The following VAV2 variants were observed in gnomAD, a reference collection of about 807,000 sequenced individuals.
The protein encoded by VAV2 is guanine nucleotide exchange factor VAV2.
Under a neutral mutation model 132.5 loss-of-function variants are expected in VAV2, and 67 were observed. The observed-to-expected ratio is 0.51, with a 90% CI of 0.42 to 0.62. The LOEUF (loss-of-function observed/expected upper bound fraction) is 0.62, where lower values mean the gene tolerates loss of function less well. Among genes scored for constraint, VAV2 ranks in the 20% least tolerant of loss-of-function variants. The pLI, the probability that VAV2 is intolerant of heterozygous loss-of-function variation, is 0.00. For synonymous variants in VAV2, 492 were observed against 443.5 expected (o/e 1.11, Z -1.37); for missense variants, 938 against 1,153.6 (o/e 0.81, Z 2.71).
intron 1 of VAV2, among the ~76,000 whole-genome samples, chr9:133,982,715 G>C (rs575209072): frequency 6.6e-6 from 1 of 152,328 alleles, no homozygotes; most frequent in South Asian, 2.1e-4. Context: ...AGGGCCCGCC[G>C]CCTGGTTTTG....
rs528309373 is a variant in VAV2 at position 133,850,428 on chromosome 9, T to C, written c.380+10946A>G. ...CCAGCTCCTGCTATGTCCCAGCACC[T>C]GGCCCCGGGCCCAGCAGAACAAGGC... is the stretch of plus-strand genomic sequence containing the variant. On this transcript the variant is annotated intron_variant, in intron 3 of 29. Transcript: ENST00000371850. Among the ~76,000 whole-genome samples, 20 of 152,276 alleles carry C rather than the reference T, an allele frequency of 1.3e-4. No individual in the cohort carries two copies. In the South Asian group the frequency reaches 4.1e-3, roughly 32 times the overall value.
intron 1 of VAV2, among the ~76,000 whole-genome samples, chr9:133,965,501 A>C (rs564136616): frequency 6.6e-6 from 1 of 151,660 alleles, no homozygotes; most frequent in South Asian, 2.1e-4. Flanking sequence ...TGTCAAAAAA[A>C]AAAAAAAAAG....
rs769779498 is a variant in VAV2 at position 133,861,454 on chromosome 9, G to A, written c.322-22C>T. ...TGACCTGGGGGAGACAAGAAGAGAC[G>A]CTCCTGTAATTTCACAAGAAACCAG... On this transcript the variant is annotated intron_variant, in intron 2 of 29. Transcript: ENST00000371850. The A allele has an allele frequency of 2.9e-5, 47 of 1,610,884 alleles. No homozygotes were observed. The Admixed American group carries it at 3.0e-4, about 10-fold the overall frequency.
At chr9:133,814,911 G>A (rs146567262) in intron 4 of VAV2, among the ~76,000 whole-genome samples, 3 of 152,246 alleles carry the variant, frequency 2.0e-5, no homozygotes, top group South Asian at 2.1e-4. Flanking sequence ...TCCTTCACTC[G>A]TGCCTCCCAC....
Position 133,791,832 on chromosome 9 carries a change from T to C in VAV2, c.1139A>G (p.Lys380Arg), listed in dbSNP as rs1234422985. Reference sequence around the variant, plus strand: ...TTCGCTGATTTTCCTCAAGGTCTCCTTGTCCCGTTTAACTTCATTGATGTA... The same window carrying C: ...TTCGCTGATTTTCCTCAAGGTCTCCCTGTCCCGTTTAACTTCATTGATGTA... ...AMYINEVKRDKETLRKISEFQ... is the reference protein window; with the variant it reads ...AMYINEVKRDRETLRKISEFQ... The change falls in exon 13 of 30, where the codon AAG becomes AGG. Residue 380 changes from lysine to arginine, a missense_variant. By Grantham distance (26) the Lys-to-Arg change is conservative. Coordinates refer to ENST00000371850, the MANE Select transcript of VAV2 (RefSeq NM_001134398.2). The C allele has an allele frequency of 2.5e-6, 4 of 1,614,230 alleles. No individual in the cohort carries two copies. The highest frequency in any genetic ancestry group is 1.6e-4 in the Middle Eastern group (1 of 6,062).
intron 1 of VAV2, among the ~76,000 whole-genome samples, chr9:133,950,489 G>C (rs544082969): frequency 1.3e-5 from 2 of 152,194 alleles, no homozygotes; most frequent in African/African-American, 4.8e-5. Flanking sequence ...CTCTGCTGCC[G>C]ACGGTGGGTT....
intron 2 of VAV2, among the ~76,000 whole-genome samples, chr9:133,920,207 A>G (rs555113472): frequency 6.6e-6 from 1 of 152,314 alleles, no homozygotes; most frequent in South Asian, 2.1e-4. Flanking sequence ...AGCCCCAGAA[A>G]GGCCTAGATG....
rs1361995612 is a variant in VAV2, at chr9:133,935,416, T to C, written c.321+3687A>G. ...CTCCTTGTGGTCAACAAGCTGGGAGTCCGGGAGGCCAGAGACCAGCAGCCT... is the reference window on the plus strand; with the variant it reads ...CTCCTTGTGGTCAACAAGCTGGGAGCCCGGGAGGCCAGAGACCAGCAGCCT... On this transcript the variant is annotated intron_variant, in intron 2 of 29. Coordinates refer to ENST00000371850, the MANE Select transcript of VAV2 (RefSeq NM_001134398.2). The surrounding 1 kb of genome is among the most constrained non-coding windows in gnomAD (Gnocchi z 5.2). 2.0e-5 allele frequency among the ~76,000 whole-genome samples: 3 copies of C among 151,574 alleles called. No homozygotes were observed.
At chr9:133,988,751 G>A (rs1053973137) in intron 1 of VAV2, among the ~76,000 whole-genome samples, 5 of 152,116 alleles carry the variant, frequency 3.3e-5, no homozygotes, top group East Asian at 1.9e-4. Context: ...GTGAAACCCC[G>A]TCTCTACTAA....
At chr9:133,964,835 G>C (rs767246198) in intron 1 of VAV2, among the ~76,000 whole-genome samples, 4 of 152,124 alleles carry the variant, frequency 2.6e-5, no homozygotes, top group Non-Finnish European at 1.5e-5. Flanking sequence ...CACAATAAAG[G>C]TCATACATGA....
intron 21 of VAV2, among the ~76,000 whole-genome samples, chr9:133,779,285 G>A (rs1833921806): frequency 6.6e-6 from 1 of 152,176 alleles, no homozygotes; most frequent in African/African-American, 2.4e-5. Flanking sequence ...AGGTGCTCTG[G>A]GCCTGAAATG....
At position 133,903,752 on chromosome 9, in the gene VAV2, G is replaced by A. The variant is rs138225975; in HGVS notation, c.321+35351C>T. 1.9e-3 allele frequency among the ~76,000 whole-genome samples: 292 copies of A among 152,256 alleles called. 4 individuals carry two copies. The highest frequency in any genetic ancestry group is 6.7e-3 in the African/African-American group (280 of 41,540). On this transcript the variant is annotated intron_variant, in intron 2 of 29. Transcript: ENST00000371850. ...CAGCGTCAGAAAAAATTCTCAACAG[G>A]GGGATGCTGGCGAGGGAAAAGGGGT...
At position 133,791,693 on chromosome 9, in the gene VAV2, T is replaced by C. The variant is rs988068900; in HGVS notation, c.1188+90A>G. ...CAGGCAGCCATGGTGTGGCTGCCCA[T>C]GGAGCTCACTCAATACTGGGGCTGT... is the stretch of plus-strand genomic sequence containing the variant. On this transcript the variant is annotated intron_variant, in intron 13 of 29. Transcript: ENST00000371850. 1.8e-4 allele frequency: 209 copies of C among 1,152,886 alleles called. No homozygotes were observed. In the African/African-American group the frequency reaches 2.6e-3, roughly 14 times the overall value. The allele number at this position is 1,152,886 out of a possible 1,614,324, so 71.4% of individuals were successfully genotyped here.
chr9:133,917,441 C>CTTTTTTTTTTTTTTTTTTTTTTT (rs56141918), intron 2 of VAV2, among the ~76,000 whole-genome samples: 7 of 132,606 alleles, frequency 5.3e-5, no homozygotes, highest in African/African-American at 2.3e-4. Flanking sequence ...AAAACTCTTT[C>CTTTTTTTTTTTTTTTTTTTTTTT]TTTTTTTTTT....
intron 29 of VAV2, among the ~76,000 whole-genome samples, chr9:133,767,482 A>G (rs7856275): frequency 0.12 from 18,792 of 152,228 alleles, 2,501 homozygotes; most frequent in African/African-American, 0.34. Flanking sequence ...TCTGGGAAAG[A>G]GCCCAGGTAT....
intron 3 of VAV2, among the ~76,000 whole-genome samples, chr9:133,837,562 G>A (rs567871627): frequency 1.3e-5 from 2 of 152,034 alleles, no homozygotes; most frequent in African/African-American, 4.8e-5. Flanking sequence ...AGCCGGGCGC[G>A]GTGGTGGGCG....
intron 2 of VAV2, among the ~76,000 whole-genome samples, chr9:133,908,065 C>T (rs1441033063): frequency 7.0e-6 from 1 of 142,942 alleles, no homozygotes; most frequent in Non-Finnish European, 1.5e-5. Context: ...CGCCCCCTAC[C>T]TTCTCTGCCT....
intron 2 of VAV2, among the ~76,000 whole-genome samples, chr9:133,915,477 G>T (rs573299765): frequency 2.0e-5 from 3 of 152,196 alleles, no homozygotes; most frequent in African/African-American, 7.2e-5. Flanking sequence ...GCCGGACAAG[G>T]GGCTGTGCCC....
At chr9:133,894,725 C>T (rs1197144312) in intron 2 of VAV2, among the ~76,000 whole-genome samples, 1 of 152,220 alleles carries the variant, frequency 6.6e-6, no homozygotes, top group Non-Finnish European at 1.5e-5. Context: ...CCCCAGAACA[C>T]AGGGCACCCC....
Sources: gnomAD v4.1 joint callset for allele counts (sites outside exome capture counted in the v4.1 genomes callset) on GRCh38, gnomAD v4.1.1 for gene constraint, Gnocchi (gnomAD v3.1) non-coding constraint, MANE v1.5 for transcripts, NCBI Gene and HGNC (gene_info 2026-07-23, HGNC 2026-07-21) for gene names.